Variants in BMP2K observed in about 807,000 individuals in gnomAD.
BMP2K encodes BMP2 inducible kinase, also known as BMP-2-inducible protein kinase.
BMP2K carries 74 observed loss-of-function variants against 116.0 expected under a neutral mutation model. The ratio of observed to expected loss-of-function variants is 0.64; its 90% confidence interval spans 0.53 to 0.77. BMP2K has a LOEUF of 0.77. BMP2K is among the 30% of genes least tolerant of loss of function. BMP2K has a pLI of 0.00. For synonymous variants in BMP2K, 486 were observed against 502.5 expected, an observed-to-expected ratio of 0.97 and a Z score of 0.44; for missense variants, 1,365 against 1,403.6, an observed-to-expected ratio of 0.97 and a Z score of 0.44.
intron 4 of BMP2K, among the ~76,000 whole-genome samples, chr4:78,843,286 A>G (rs1048265643): frequency 6.6e-6 from 1 of 151,822 alleles, no homozygotes; most frequent in Non-Finnish European, 1.5e-5. Flanking sequence ...GAGTCCCATC[A>G]CTATAGCCTA....
At chr4:78,879,212 A>G (rs902408172) in intron 14 of BMP2K, 6 of 1,044,006 alleles carry the variant, frequency 5.7e-6, no homozygotes, top group African/African-American at 5.1e-5. Context: ...AAAGGGAGAC[A>G]TTTTATTATT....
intron 1 of BMP2K, among the ~76,000 whole-genome samples, chr4:78,814,167 C>A (rs539363601): frequency 3.3e-5 from 5 of 152,274 alleles, no homozygotes; most frequent in Non-Finnish European, 7.4e-5. Flanking sequence ...GTGTAGACAT[C>A]TGTTTCCCTC....
chr4:78,858,858 ACCTTGTG>A (rs963715905), intron 7 of BMP2K, among the ~76,000 whole-genome samples: 1 of 151,948 alleles, frequency 6.6e-6, no homozygotes, highest in African/African-American at 2.4e-5. Context: ...ATAAATGTCA[ACCTTGTG>A]AAATTTAGAA....
chr4:78,906,637 A>T (rs1734300980), intron 15 of BMP2K, among the ~76,000 whole-genome samples: 1 of 152,044 alleles, frequency 6.6e-6, no homozygotes, highest in Admixed American at 6.6e-5. Context: ...TCTGAAGTGG[A>T]TCTCAGCTCC....
At chr4:78,807,608 T>C (rs908464462) in intron 1 of BMP2K, among the ~76,000 whole-genome samples, 1 of 152,054 alleles carries the variant, frequency 6.6e-6, no homozygotes, top group Non-Finnish European at 1.5e-5. Context: ...TTACTTGTTA[T>C]AGGTCTGTTT....
intron 1 of BMP2K, among the ~76,000 whole-genome samples, chr4:78,803,498 C>T (rs1728672095): frequency 6.6e-6 from 1 of 152,098 alleles, no homozygotes; most frequent in Non-Finnish European, 1.5e-5. Flanking sequence ...CATGCCTCAG[C>T]CACCTGAGTA....
At chr4:78,790,859 TAAC>T (rs1363219179) in intron 1 of BMP2K, among the ~76,000 whole-genome samples, 2 of 152,022 alleles carry the variant, frequency 1.3e-5, no homozygotes, top group Non-Finnish European at 1.5e-5. Flanking sequence ...TGTGTCTAAA[TAAC>T]AATAATAATA....
At chr4:78,809,768 G>C (rs911414737) in intron 1 of BMP2K, among the ~76,000 whole-genome samples, 1 of 149,678 alleles carries the variant, frequency 6.7e-6, no homozygotes, top group South Asian at 2.1e-4. Context: ...CCTTACTTTA[G>C]TTCTTTAGAC....
chr4:78,816,983 A>G (rs1729382729), intron 1 of BMP2K, among the ~76,000 whole-genome samples: 1 of 152,186 alleles, frequency 6.6e-6, no homozygotes, highest in African/African-American at 2.4e-5. Context: ...CAAATATTTA[A>G]AAATTTATCA....
intron 1 of BMP2K, among the ~76,000 whole-genome samples, chr4:78,804,394 A>G (rs967481629): frequency 6.6e-6 from 1 of 152,140 alleles, no homozygotes; most frequent in Admixed American, 6.6e-5. Context: ...TATTATGAAC[A>G]TTTACGTAAA....
intron 15 of BMP2K, among the ~76,000 whole-genome samples, chr4:78,900,355 CTG>C (rs1333644445): frequency 6.6e-6 from 1 of 152,130 alleles, no homozygotes; most frequent in Non-Finnish European, 1.5e-5. Flanking sequence ...GGATTTTTGA[CTG>C]TGTCGGAGGT....
rs1732320951 is a variant in BMP2K at position 78,870,982 on chromosome 4, A to ACAGCAGCAGCAGCAACAGCAACAG, written c.1445_1446insACAGCAACAGCAGCAGCAGCAGCA (p.Gln479_Gln486dup). ...AGCAACAGCAGCAGCAGCAACAGCA[A>ACAGCAGCAGCAGCAACAGCAACAG]CAGCAGCAGCAGCAGCAGCAGCAGC... On this transcript the variant is annotated inframe_insertion, in exon 11 of 16. Coordinates refer to ENST00000502613, the MANE Select transcript of BMP2K (RefSeq NM_198892.2). 6.3e-7 allele frequency: 1 copy of ACAGCAGCAGCAGCAACAGCAACAG among 1,576,866 alleles called. No individual in the cohort carries two copies. Among genetic ancestry groups the ACAGCAGCAGCAGCAACAGCAACAG allele is most frequent in the Non-Finnish European group, 8.6e-7 (1 of 1,156,572 alleles).
At chr4:78,786,055 A>G (rs1042585441) in intron 1 of BMP2K, among the ~76,000 whole-genome samples, 12 of 151,980 alleles carry the variant, frequency 7.9e-5, no homozygotes, top group Non-Finnish European at 1.5e-4. Context: ...TATTACACTG[A>G]TGTGCTTGGT....
intron 1 of BMP2K, among the ~76,000 whole-genome samples, chr4:78,789,174 A>G (rs1018632645): frequency 3.3e-5 from 5 of 152,078 alleles, no homozygotes; most frequent in South Asian, 2.1e-4. Flanking sequence ...ATTTCCCGTA[A>G]TTGTAGTGAT....
At chr4:78,899,155 T>C (rs1733867337) in intron 15 of BMP2K, 1 of 152,204 alleles carries the variant, frequency 6.6e-6, no homozygotes, top group Non-Finnish European at 1.5e-5. Flanking sequence ...CCCCTTCTCT[T>C]AAAGTAAGTC....
rs146337428 is a variant in BMP2K at position 78,865,733 on chromosome 4, C to G, written c.1231+13C>G. ...CATAGACCAAAAGGTAATAGAGCCC[C>G]GCCAACCTCATCCTCTTAAAGGTTA... On this transcript the variant is annotated intron_variant, in intron 10 of 15. Coordinates refer to ENST00000502613, the MANE Select transcript of BMP2K (RefSeq NM_198892.2). The G allele has an allele frequency of 5.6e-6, 9 of 1,612,750 alleles. No homozygotes were observed. In the East Asian group the frequency reaches 2.0e-4, roughly 36 times the overall value.
intron 15 of BMP2K, among the ~76,000 whole-genome samples, chr4:78,889,774 C>T (rs957302736): frequency 2.0e-5 from 3 of 152,054 alleles, no homozygotes; most frequent in Admixed American, 6.5e-5. Flanking sequence ...TAAGTATATG[C>T]GATAAGCCAT....
At chr4:78,830,397 T>C (rs2110007445) in intron 2 of BMP2K, among the ~76,000 whole-genome samples, 1 of 152,352 alleles carries the variant, frequency 6.6e-6, no homozygotes, top group East Asian at 1.9e-4. Flanking sequence ...AGCATAGTTC[T>C]TAAGGGCTTA....
At chr4:78,807,023 T>A (rs1428765809) in intron 1 of BMP2K, among the ~76,000 whole-genome samples, 1 of 151,926 alleles carries the variant, frequency 6.6e-6, no homozygotes, top group Non-Finnish European at 1.5e-5. Context: ...CTAATTTTCG[T>A]ATTTTTTTAG....
Sources: allele counts gnomAD v4.1 joint callset (sites outside exome capture counted in the v4.1 genomes callset), GRCh38; gene constraint gnomAD v4.1.1; transcripts MANE v1.5; gene names NCBI Gene and HGNC (gene_info 2026-07-23, HGNC 2026-07-21).